Variants in BMERB1 observed in about 807,000 individuals in gnomAD.
BMERB1 encodes the protein bMERB domain containing 1.
A neutral mutation model predicts 23.6 loss-of-function variants in BMERB1; 12 were observed. The observed-to-expected ratio is 0.51, with a 90% CI of 0.33 to 0.82. BMERB1 has a LOEUF of 0.82. Ranked by LOEUF, BMERB1 falls within the 40% of genes least tolerant of loss-of-function variation. The pLI, the probability that BMERB1 is intolerant of heterozygous loss-of-function variation, is 0.03. For synonymous variants in BMERB1, 122 were observed against 96.6 expected (o/e 1.26, Z -1.54); for missense variants, 247 against 255.4 (o/e 0.97, Z 0.22).
At chr16:15,502,734 A>G (rs1275729129) in intron 1 of BMERB1, among the ~76,000 whole-genome samples, 1 of 152,142 alleles carries the variant, frequency 6.6e-6, no homozygotes, top group Non-Finnish European at 1.5e-5. Flanking sequence ...TTTTGGGTCA[A>G]TAGCAGCAAC....
At chr16:15,561,991 A>G (rs754445233) in intron 2 of BMERB1, among the ~76,000 whole-genome samples, 32 of 152,090 alleles carry the variant, frequency 2.1e-4, no homozygotes, top group Admixed American at 1.2e-3. Flanking sequence ...AATCCCAGCA[A>G]ATAGTACTGC....
chr16:15,543,743 C>T (rs2052107611), intron 2 of BMERB1, among the ~76,000 whole-genome samples: 1 of 152,110 alleles, frequency 6.6e-6, no homozygotes, highest in African/African-American at 2.4e-5. Context: ...ATTGCTTAAA[C>T]CTGAGAGGTC....
intron 2 of BMERB1, among the ~76,000 whole-genome samples, chr16:15,556,343 G>C (rs1050683203): frequency 1.3e-5 from 2 of 152,054 alleles, no homozygotes; most frequent in Non-Finnish European, 2.9e-5. Context: ...AAAACCGTGG[G>C]CTGCCTGCAC....
chr16:15,494,877 C>CTTTTTTTTTTTTTTTT (rs754135430), intron 1 of BMERB1, among the ~76,000 whole-genome samples: 3 of 95,174 alleles, frequency 3.2e-5, no homozygotes, highest in Non-Finnish European at 6.1e-5. Flanking sequence ...TTTTTTTTAT[C>CTTTTTTTTTTTTTTTT]TTTTTTTTTT....
At chr16:15,482,909 A>G (rs2051335045) in intron 1 of BMERB1, among the ~76,000 whole-genome samples, 2 of 152,066 alleles carry the variant, frequency 1.3e-5, no homozygotes, top group Admixed American at 6.6e-5. Flanking sequence ...GAGATCTGTT[A>G]TTATACCCAT....
At chr16:15,494,037 G>A (rs1017941560) in intron 1 of BMERB1, among the ~76,000 whole-genome samples, 4 of 152,164 alleles carry the variant, frequency 2.6e-5, no homozygotes, top group Admixed American at 6.5e-5. Flanking sequence ...GAATTAGGGA[G>A]TCGGTTAAGA....
intron 1 of BMERB1, chr16:15,502,117 C>T (rs2051536091): frequency 1.6e-6 from 1 of 641,008 alleles, no homozygotes; most frequent in Admixed American, 2.6e-5. Flanking sequence ...ACCATCTACT[C>T]ATGTCTGCTT....
rs1167460596 is a variant in BMERB1 at position 15,524,309 on chromosome 16, G to C, written c.230+8881G>C. On this transcript the variant is annotated intron_variant, in intron 2 of 5. Transcript: ENST00000300006. ...TGGACAAAATATACAAGAAGTTGGG[G>C]TGTAGGGGAGGGAAAGGAAGGAAGA... 2.0e-5 allele frequency among the ~76,000 whole-genome samples: 3 copies of C among 152,288 alleles called. No individual in the cohort carries two copies. The South Asian group carries it at 6.2e-4, about 32-fold the overall frequency.
rs539312571 is a variant in BMERB1, at chr16:15,541,186, A to G, written c.230+25758A>G. Among the ~76,000 whole-genome samples the G allele has an allele frequency of 5.9e-5, 9 of 152,172 alleles. No individual in the cohort carries two copies. In the East Asian group the frequency reaches 1.7e-3, roughly 29 times the overall value. On this transcript the variant is annotated intron_variant, in intron 2 of 5. Transcript: ENST00000300006. ...TATGTTTACTGGTTTATTACAAAGG[A>G]CAGAACTCAGGAATAGCCAAATGGA... is the stretch of plus-strand genomic sequence containing the variant.
chr16:15,548,842 T>TGGTGATGGTAGATA (rs1450549305), intron 2 of BMERB1, among the ~76,000 whole-genome samples: 1 of 152,082 alleles, frequency 6.6e-6, no homozygotes, highest in Non-Finnish European at 1.5e-5. Context: ...GAATTGCCAG[T>TGGTGATGGTAGATA]GGTGATGGTA....
intron 2 of BMERB1, 39 bp downstream of exon 2, chr16:15,515,467 T>C (rs201148339): frequency 6.3e-7 from 1 of 1,599,850 alleles, no homozygotes; most frequent in East Asian, 2.2e-5. Context: ...AAGAAGTGTG[T>C]GGAGGAGAGA....
chr16:15,586,399 A>C (rs2150979402), intron 5 of BMERB1, among the ~76,000 whole-genome samples: 1 of 152,324 alleles, frequency 6.6e-6, no homozygotes, highest in South Asian at 2.1e-4. Flanking sequence ...TCTATTTACC[A>C]AATACTTCTT....
intron 2 of BMERB1, among the ~76,000 whole-genome samples, chr16:15,533,973 C>T (rs1420344649): frequency 2.6e-5 from 4 of 152,096 alleles, no homozygotes. Context: ...GGCTTCCATC[C>T]TCAAGTCTTC....
At chr16:15,513,771 G>A (rs528004342) in intron 1 of BMERB1, among the ~76,000 whole-genome samples, 2 of 152,150 alleles carry the variant, frequency 1.3e-5, no homozygotes, top group Non-Finnish European at 2.9e-5. Flanking sequence ...GCATAAACTT[G>A]TTATCCCAGC....
intron 2 of BMERB1, among the ~76,000 whole-genome samples, chr16:15,562,747 C>T (rs2030458134): frequency 6.6e-6 from 1 of 152,212 alleles, no homozygotes; most frequent in Non-Finnish European, 1.5e-5. Flanking sequence ...AGCCTGATCT[C>T]TGCAAAAGCG....
chr16:15,524,255 T>C (rs2051884077), intron 2 of BMERB1, among the ~76,000 whole-genome samples: 1 of 152,066 alleles, frequency 6.6e-6, no homozygotes. Context: ...ATGCCCTTAA[T>C]TGCAGAAGAT....
At chr16:15,567,876 T>C in intron 2 of BMERB1, 107 bp from the exon 3 acceptor site, 1 of 1,040,298 alleles carries the variant, frequency 9.6e-7, no homozygotes, top group Non-Finnish European at 1.4e-6. Context: ...TATGGCCTCT[T>C]CAAAAGATAA....
intron 2 of BMERB1, among the ~76,000 whole-genome samples, chr16:15,558,229 A>G (rs1303767719): frequency 6.6e-6 from 1 of 152,078 alleles, no homozygotes; most frequent in African/African-American, 2.4e-5. Flanking sequence ...GGATTTGGCA[A>G]AAGAAAAGAA....
At chr16:15,513,666 C>G (rs113061512) in intron 1 of BMERB1, among the ~76,000 whole-genome samples, 4,959 of 152,032 alleles carry the variant, frequency 0.033, 268 homozygotes, top group South Asian at 0.11. Context: ...GAGGCTGAGG[C>G]GGGTGGGTCA....
Sources: gnomAD v4.1 joint callset for allele counts (sites outside exome capture counted in the v4.1 genomes callset) on GRCh38, gnomAD v4.1.1 for gene constraint, MANE v1.5 for transcripts, NCBI Gene and HGNC (gene_info 2026-07-23, HGNC 2026-07-21) for gene names.